PRKAG2: variants seen among roughly 807,000 people sequenced by gnomAD.
The protein encoded by PRKAG2 is protein kinase AMP-activated non-catalytic subunit gamma 2.
A neutral mutation model predicts 69.6 loss-of-function variants in PRKAG2; 26 were observed. The ratio of observed to expected loss-of-function variants is 0.37; its 90% CI spans 0.27 to 0.52. PRKAG2 has a LOEUF of 0.52. Ranked by LOEUF, PRKAG2 falls within the 20% of genes least tolerant of loss-of-function variation. The pLI, the probability that PRKAG2 is intolerant of heterozygous loss-of-function variation, is 0.90. For missense variants in PRKAG2, 557 were observed against 740.0 expected (o/e 0.75, Z 2.87); for synonymous variants, 293 against 285.0 (o/e 1.03, Z -0.28).
intron 3 of PRKAG2, among the ~76,000 whole-genome samples, chr7:151,738,940 G>A (rs1025491646): frequency 2.6e-5 from 4 of 152,160 alleles, no homozygotes; most frequent in Admixed American, 6.5e-5. Flanking sequence ...ACAGGAAGGA[G>A]GGCCAAGGGA....
At chr7:151,842,812 G>A (rs536842439) in intron 1 of PRKAG2, among the ~76,000 whole-genome samples, 19 of 151,798 alleles carry the variant, frequency 1.3e-4, no homozygotes, top group African/African-American at 1.9e-4. Flanking sequence ...GGATGCTGCC[G>A]TGAAGCAGAG....
At chr7:151,869,009 C>G (rs1222269613) in intron 1 of PRKAG2, among the ~76,000 whole-genome samples, 1 of 152,168 alleles carries the variant, frequency 6.6e-6, no homozygotes, top group African/African-American at 2.4e-5. Context: ...TGATTTCTTT[C>G]GCCAGTCTAG....
At chr7:151,723,831 C>T (rs1002651777) in intron 3 of PRKAG2, among the ~76,000 whole-genome samples, 1 of 152,132 alleles carries the variant, frequency 6.6e-6, no homozygotes, top group Non-Finnish European at 1.5e-5. Flanking sequence ...CAGACGCAGG[C>T]GTTTCTGGTG....
chr7:151,803,811 G>A (rs964064055), intron 1 of PRKAG2, among the ~76,000 whole-genome samples: 4 of 151,160 alleles, frequency 2.6e-5, no homozygotes, highest in African/African-American at 7.3e-5. Flanking sequence ...GGTGGTGGGC[G>A]CCTATAGTCC....
chr7:151,803,708 CTTG>C (rs1015577931), intron 1 of PRKAG2, among the ~76,000 whole-genome samples: 48 of 151,212 alleles, frequency 3.2e-4, no homozygotes, highest in African/African-American at 9.5e-4. Context: ...TATTATCCAG[CTTG>C]TTTTTTTTTT....
intron 1 of PRKAG2, among the ~76,000 whole-genome samples, chr7:151,845,948 G>A (rs1376985879): frequency 1.3e-5 from 2 of 152,176 alleles, no homozygotes; most frequent in East Asian, 3.8e-4. Flanking sequence ...ACACAGACGG[G>A]TGCTGTCCTC....
chr7:151,788,106 C>T lies in PRKAG2; in HGVS notation c.115-1565G>A, dbSNP rs1434172716. On this transcript the variant is annotated intron_variant, in intron 1 of 15. Coordinates refer to ENST00000287878, the MANE Select transcript of PRKAG2 (RefSeq NM_016203.4). The surrounding 1 kb of genome is among the most constrained non-coding windows in gnomAD (Gnocchi z 4.6). ...TCAGGACCCTGCTTTCAATTCTTTC[C>T]AGTTATCCCCAGAAGTGGAACTGCT... Among the ~76,000 whole-genome samples the T allele has an allele frequency of 6.6e-6, 1 of 152,186 alleles. No individual in the cohort carries two copies. The highest frequency in any genetic ancestry group is 2.4e-5 in the African/African-American group (1 of 41,442).
At chr7:151,844,755 T>C (rs558450166) in intron 1 of PRKAG2, among the ~76,000 whole-genome samples, 8 of 152,300 alleles carry the variant, frequency 5.3e-5, no homozygotes, top group Admixed American at 2.0e-4. Context: ...TTTTTGACAG[T>C]TCTGTTCACT....
chr7:151,587,002 A>T (rs758313225), intron 6 of PRKAG2, among the ~76,000 whole-genome samples: 5 of 152,144 alleles, frequency 3.3e-5, no homozygotes, highest in Non-Finnish European at 7.4e-5. Flanking sequence ...CTTTACTAAA[A>T]ATACAAAAGT....
chr7:151,809,304 G>A (rs142404956), intron 1 of PRKAG2: 31 of 455,962 alleles, frequency 6.8e-5, no homozygotes, highest in East Asian at 5.6e-4. Context: ...CGAGACGGGT[G>A]CAGAATCAGC....
chr7:151,827,761 A>AAAAC (rs2078937629), intron 1 of PRKAG2, among the ~76,000 whole-genome samples: 1 of 149,594 alleles, frequency 6.7e-6, no homozygotes, highest in Non-Finnish European at 1.5e-5. Flanking sequence ...AAAAAAAAAA[A>AAAAC]AAAAAAAAAA....
rs185816131 is a variant in PRKAG2, at chr7:151,836,173, C to G, written c.114+40334G>C. On this transcript the variant is annotated intron_variant, in intron 1 of 15. Coordinates refer to ENST00000287878, the MANE Select transcript of PRKAG2 (RefSeq NM_016203.4). The surrounding 1 kb of genome is among the most constrained non-coding windows in gnomAD (Gnocchi z 4.1). ...CCGTGTCTTTGGAGCATTCCTTCCC[C>G]TATAGCATGATTTCTCTTTTATGTT... Among the ~76,000 whole-genome samples, 190 of 152,346 alleles carry G rather than the reference C, an allele frequency of 1.2e-3. 4 individuals carry two copies. The highest frequency in any genetic ancestry group is 9.1e-3 in the South Asian group (44 of 4,826).
At chr7:151,647,562 T>C (rs1326458707) in intron 4 of PRKAG2, among the ~76,000 whole-genome samples, 2 of 152,092 alleles carry the variant, frequency 1.3e-5, no homozygotes, top group African/African-American at 4.8e-5. Context: ...CAGAGGCAGA[T>C]TTTGAAGGGA....
intron 1 of PRKAG2, among the ~76,000 whole-genome samples, chr7:151,849,728 G>A (rs987630683): frequency 6.6e-6 from 1 of 152,092 alleles, no homozygotes; most frequent in Non-Finnish European, 1.5e-5. Flanking sequence ...GGCCTCTGCT[G>A]TCCCATGGCC....
chr7:151,785,339 G>A (rs368269362), intron 2 of PRKAG2, among the ~76,000 whole-genome samples: 10 of 152,364 alleles, frequency 6.6e-5, no homozygotes, highest in African/African-American at 1.7e-4. Context: ...CAGTGCCCGC[G>A]GGGCTGGTCC....
In PRKAG2 at chr7:151,807,502, C is replaced by T; in HGVS notation, c.115-20961G>A. The T allele has an allele frequency of 2.2e-6, 1 of 457,876 alleles. No individual in the cohort carries two copies. The highest frequency in any genetic ancestry group is 2.0e-5 in the African/African-American group (1 of 50,206). 28.4% of individuals were successfully genotyped at this position (457,876 alleles called of 1,614,324 possible). A position where few individuals can be genotyped will look rare whatever the true frequency, so the allele number is the denominator to read the frequency against. ...CGTGTTACACCTATCAGATCGGGCA[C>T]ACTGCCCCTTCTTCCCAACCTACGA... On this transcript the variant is annotated intron_variant, in intron 1 of 15. Transcript: ENST00000287878. The surrounding 1 kb of genome is among the most constrained non-coding windows in gnomAD (Gnocchi z 4.4).
Position 151,814,464 on chromosome 7 carries a change from A to AG in PRKAG2, c.115-27924dup. 8.1e-7 allele frequency: 1 copy of AG among 1,230,498 alleles called. No individual in the cohort carries two copies. Among genetic ancestry groups the AG allele is most frequent in the Non-Finnish European group, 1.0e-6 (1 of 987,722 alleles). 76.2% of individuals were successfully genotyped at this position (1,230,498 alleles called of 1,614,324 possible). Reference sequence around the variant, plus strand: ...TCTTCTCTTCCAGATGCTAATAAGCAGTGCAGGCTTGTAAGCTGCTGGATG... The same window carrying AG: ...TCTTCTCTTCCAGATGCTAATAAGCAGGTGCAGGCTTGTAAGCTGCTGGATG... On this transcript the variant is annotated intron_variant, in intron 1 of 15. Coordinates refer to ENST00000287878, the MANE Select transcript of PRKAG2 (RefSeq NM_016203.4). The surrounding 1 kb of genome is among the most constrained non-coding windows in gnomAD (Gnocchi z 4.8).
Position 151,732,185 on chromosome 7 carries a change from G to C in PRKAG2, c.466+48967C>G, listed in dbSNP as rs11974412. ...CAGGGTCTAGTTCTGTCACCCAGGC[G>C]GGAGTGCAGTGGCATGATCACGGCT... On this transcript the variant is annotated intron_variant, in intron 3 of 15. Transcript: ENST00000287878. 9.1e-4 allele frequency among the ~76,000 whole-genome samples: 134 copies of C among 147,908 alleles called. 1 individual carries two copies. Among genetic ancestry groups the C allele is most frequent in the African/African-American group, 3.3e-3 (132 of 40,204 alleles).
rs1459202389 is a variant in PRKAG2, at chr7:151,614,962, G to A, written c.754+17107C>T. On this transcript the variant is annotated intron_variant, in intron 5 of 15. Coordinates refer to ENST00000287878, the MANE Select transcript of PRKAG2 (RefSeq NM_016203.4). The surrounding 1 kb of genome is among the most constrained non-coding windows in gnomAD (Gnocchi z 4.4). ...TAGAGGGAACCTCGAGAGAGGAGCC[G>A]TATGGATCCAGAGGGAACCTCGAGA... Among the ~76,000 whole-genome samples the A allele has an allele frequency of 1.3e-5, 2 of 151,974 alleles. No individual in the cohort carries two copies. The highest frequency in any genetic ancestry group is 1.5e-5 in the Non-Finnish European group (1 of 68,002).
Sources: allele counts gnomAD v4.1 joint callset (sites outside exome capture counted in the v4.1 genomes callset), GRCh38; gene constraint gnomAD v4.1.1; non-coding constraint Gnocchi (gnomAD v3.1); transcripts MANE v1.5; gene names NCBI Gene and HGNC (gene_info 2026-07-23, HGNC 2026-07-21).